The following TUT7 variants were observed in gnomAD, a reference collection of about 807,000 sequenced individuals.
TUT7 encodes the protein terminal uridylyltransferase 7.
TUT7 carries 33 observed loss-of-function variants against 165.9 expected under a neutral mutation model. The ratio of observed to expected loss-of-function variants is 0.20; its 90% CI spans 0.15 to 0.27. TUT7 has a LOEUF of 0.27. Ranked by LOEUF, TUT7 falls within the 10% of genes least tolerant of loss-of-function variation. The pLI, the probability that TUT7 is intolerant of heterozygous loss-of-function variation, is 1.00. For synonymous variants in TUT7, 552 were observed against 608.1 expected (o/e 0.91, Z 1.36); for missense variants, 1,338 against 1,762.3 (o/e 0.76, Z 4.31).
intron 10 of TUT7, among the ~76,000 whole-genome samples, chr9:86,329,894 T>C (rs1024702150): frequency 6.6e-6 from 1 of 152,178 alleles, no homozygotes; most frequent in Non-Finnish European, 1.5e-5. Context: ...TATTCAGCTC[T>C]GCTCAAATGT....
chr9:86,354,262 C>G lies in TUT7; in HGVS notation c.-32+9G>C, dbSNP rs1224836654. On this transcript the variant is annotated intron_variant, in intron 1 of 26. Coordinates refer to ENST00000375963, the MANE Select transcript of TUT7 (RefSeq NM_024617.4). The stretch of plus-strand genomic sequence containing the variant: ...GCGAGGAGGCCGGCGGGGGATGGAA[C>G]CAACGTACCTCCGGGGCCAGGCCGG... 3 of 152,830 alleles carry G rather than the reference C, an allele frequency of 2.0e-5. No homozygotes were observed. The highest frequency in any genetic ancestry group is 2.9e-5 in the Non-Finnish European group (2 of 68,190). The allele number at this position is 152,830 out of a possible 1,614,324, so 9.5% of individuals were successfully genotyped here.
At chr9:86,305,401 T>G (rs186824519) in intron 22 of TUT7, among the ~76,000 whole-genome samples, 162 bp from the exon 23 acceptor site, 444 of 152,314 alleles carry the variant, frequency 2.9e-3, no homozygotes, top group South Asian at 0.012. Flanking sequence ...AAAAAAAGTT[T>G]AAAATGACAC....
At chr9:86,289,441 G>A (rs1042433780) in intron 26 of TUT7, among the ~76,000 whole-genome samples, 5 of 152,152 alleles carry the variant, frequency 3.3e-5, no homozygotes, top group African/African-American at 1.2e-4. Context: ...TGTCAAATAA[G>A]TAATTTTGGA....
chr9:86,318,918 CA>C, intron 16 of TUT7, 39 bp downstream of exon 16: 7 of 1,515,706 alleles, frequency 4.6e-6, no homozygotes, highest in Non-Finnish European at 6.4e-6. Context: ...GGTTAAATCA[CA>C]CTGCCACAGC....
chr9:86,307,808 C>A (rs1170547244), intron 22 of TUT7, among the ~76,000 whole-genome samples: 1 of 152,090 alleles, frequency 6.6e-6, no homozygotes, highest in Non-Finnish European at 1.5e-5. Flanking sequence ...GCCTGGCCAA[C>A]ATGGTGAAAC....
chr9:86,321,190 T>TA (rs758749770), intron 14 of TUT7, among the ~76,000 whole-genome samples: 1,507 of 121,276 alleles, frequency 0.012, 21 homozygotes, highest in East Asian at 0.056. Flanking sequence ...CCATCTCTAC[T>TA]AAAAAAAAAA....
intron 11 of TUT7, among the ~76,000 whole-genome samples, chr9:86,326,802 T>C (rs1011532600): frequency 6.6e-6 from 1 of 152,196 alleles, no homozygotes; most frequent in Non-Finnish European, 1.5e-5. Context: ...GTGCACACCA[T>C]ATGCAACCCC....
chr9:86,326,041 C>T (rs1829757946), intron 11 of TUT7, among the ~76,000 whole-genome samples: 2 of 152,316 alleles, frequency 1.3e-5, no homozygotes, highest in South Asian at 2.1e-4. Flanking sequence ...GAAATTGACA[C>T]TGGTTTTACA....
chr9:86,345,575 C>T (rs1588011947), intron 4 of TUT7, 94 bp downstream of exon 4: 1 of 860,852 alleles, frequency 1.2e-6, no homozygotes, highest in East Asian at 2.4e-5. Flanking sequence ...GTAAAGTTAT[C>T]AATATCATAG....
chr9:86,333,575 G>C (rs897063523), intron 10 of TUT7, among the ~76,000 whole-genome samples: 2 of 152,096 alleles, frequency 1.3e-5, no homozygotes, highest in Non-Finnish European at 2.9e-5. Flanking sequence ...TAAATCTTTT[G>C]AGAGTTTCTG....
chr9:86,351,247 C>T (rs1320387578), intron 2 of TUT7, among the ~76,000 whole-genome samples: 1 of 152,008 alleles, frequency 6.6e-6, no homozygotes, highest in East Asian at 1.9e-4. Flanking sequence ...ACCAGTCAGG[C>T]CAACATGGTG....
In TUT7 at chr9:86,311,394, CA is replaced by C. The variant is rs1828033131; in HGVS notation, c.3275-586del. Among the ~76,000 whole-genome samples, 1 of 152,028 alleles carries C rather than the reference CA, an allele frequency of 6.6e-6. No homozygotes were observed. The highest frequency in any genetic ancestry group is 2.4e-5 in the African/African-American group (1 of 41,390). ...TTTACCAGGCAAGGCAAACTGTACA[CA>C]AAAAGTGTAGATGCCTGAAATAGAA... On this transcript the variant is annotated intron_variant, in intron 17 of 26. Transcript: ENST00000375963. This position sits in a 1 kb window ranked among gnomAD's most constrained non-coding sequence, Gnocchi z 4.4.
At position 86,288,562 on chromosome 9, in the gene TUT7, C is replaced by T. The variant is rs73488810; in HGVS notation, c.*115G>A. 6.3e-3 allele frequency: 4,148 copies of T among 658,582 alleles called. 152 individuals are homozygous for T. The African/African-American group carries it at 0.078, about 12-fold the overall frequency. The allele number at this position is 658,582 out of a possible 1,614,324, so 40.8% of individuals were successfully genotyped here. On this transcript the variant is annotated 3_prime_UTR_variant, in exon 27 of 27. Coordinates refer to ENST00000375963, the MANE Select transcript of TUT7 (RefSeq NM_024617.4). Reference sequence around the variant, plus strand: ...AATTAAAAAAAAATCTGACATTTCCCTTAAATGTTAAGTTGAAGCCTGATC... The same window carrying T: ...AATTAAAAAAAAATCTGACATTTCCTTTAAATGTTAAGTTGAAGCCTGATC...
At position 86,311,748 on chromosome 9, in the gene TUT7, T is replaced by C. The variant is rs1322390784; in HGVS notation, c.3275-939A>G. On this transcript the variant is annotated intron_variant, in intron 17 of 26. Transcript: ENST00000375963. This position sits in a 1 kb window ranked among gnomAD's most constrained non-coding sequence, Gnocchi z 4.4. ...GATTCTCCTGCCTCAGCCTGCCGAGTGCCTGCGATTGCAGGTGCGCGCCGC... is the reference window on the plus strand; with the variant it reads ...GATTCTCCTGCCTCAGCCTGCCGAGCGCCTGCGATTGCAGGTGCGCGCCGC... Among the ~76,000 whole-genome samples the C allele has an allele frequency of 6.6e-6, 1 of 152,114 alleles. No individual in the cohort carries two copies. Among genetic ancestry groups the C allele is most frequent in the African/African-American group, 2.4e-5 (1 of 41,422 alleles).
At position 86,301,389 on chromosome 9, in the gene TUT7, G is replaced by C. The variant is rs1237320823; in HGVS notation, c.4307C>G (p.Pro1436Arg). 3 of 1,614,024 alleles carry C rather than the reference G, an allele frequency of 1.9e-6. No individual in the cohort carries two copies. The South Asian group carries it at 3.3e-5, about 18-fold the overall frequency. The stretch of plus-strand genomic sequence containing the variant: ...ATCCTGTCTCTTCCATTTTTCTACT[G>C]GTGGCCTGAGGATCTTCTCCCTCCC... ...DLGREKILRP[P>R]VEKWKRQDDK... The change falls in exon 26 of 27, where the codon CCA becomes CGA. Residue 1436 changes from proline to arginine, a missense_variant. Pro to Arg is a moderately radical substitution (Grantham distance 103). Coordinates refer to ENST00000375963, the MANE Select transcript of TUT7 (RefSeq NM_024617.4).
At chr9:86,293,997 C>T (rs772748561) in intron 26 of TUT7, among the ~76,000 whole-genome samples, 40 of 152,212 alleles carry the variant, frequency 2.6e-4, no homozygotes, top group Non-Finnish European at 2.2e-4. Context: ...CCACCCGCCT[C>T]GGTGTCTCAA....
chr9:86,305,909 G>A (rs189657809), intron 22 of TUT7, among the ~76,000 whole-genome samples: 15 of 152,110 alleles, frequency 9.9e-5, no homozygotes, highest in African/African-American at 3.4e-4. Context: ...GATATGTTTT[G>A]GAATACTGTT....
At chr9:86,320,472 T>C (rs1829164170) in intron 14 of TUT7, among the ~76,000 whole-genome samples, 1 of 152,214 alleles carries the variant, frequency 6.6e-6, no homozygotes. Context: ...TTAATTAGCG[T>C]TACTCAAAAA....
At chr9:86,328,911 T>TA (rs565696453) in intron 10 of TUT7, among the ~76,000 whole-genome samples, 42 of 151,800 alleles carry the variant, frequency 2.8e-4, no homozygotes, top group Non-Finnish European at 5.3e-4. Context: ...GGTTATGATA[T>TA]AAAAAAAATG....
Sources: allele counts gnomAD v4.1 joint callset (sites outside exome capture counted in the v4.1 genomes callset), GRCh38; gene constraint gnomAD v4.1.1; non-coding constraint Gnocchi (gnomAD v3.1); transcripts MANE v1.5; gene names NCBI Gene and HGNC (gene_info 2026-07-23, HGNC 2026-07-21).